The following ROBO2 variants were observed in gnomAD, a reference collection of about 807,000 sequenced individuals.
The protein encoded by ROBO2 is roundabout homolog 2.
In ROBO2, 53 loss-of-function variants were observed where a neutral mutation model predicts 160.8. The observed-to-expected ratio is 0.33, with a 90% CI of 0.26 to 0.41. The LOEUF (loss-of-function observed/expected upper bound fraction) is 0.41, where lower values mean the gene tolerates loss of function less well. Among genes scored for constraint, ROBO2 ranks in the 10% least tolerant of loss-of-function variants. The probability of loss-of-function intolerance (pLI) is 1.00; values close to 1 mark genes in which losing one functional copy is unlikely to be tolerated. For missense variants in ROBO2, 1,577 were observed against 1,722.4 expected (o/e 0.92, Z 1.49); for synonymous variants, 664 against 611.7 (o/e 1.09, Z -1.26).
At chr3:75,953,402 C>T (rs574158328) in intron 2 of ROBO2, among the ~76,000 whole-genome samples, 1 of 151,834 alleles carries the variant, frequency 6.6e-6, no homozygotes, top group South Asian at 2.1e-4. Context: ...GTATTTAGAC[C>T]TTTGGCCTAT....
chr3:76,849,114 T>C (rs9879053), intron 2 of ROBO2, among the ~76,000 whole-genome samples: 4,452 of 152,296 alleles, frequency 0.029, 170 homozygotes, highest in East Asian at 0.12. Flanking sequence ...ATATTTACTG[T>C]TTTATTACGT....
chr3:76,430,703 TA>T (rs2076400860), intron 2 of ROBO2, among the ~76,000 whole-genome samples: 1 of 151,794 alleles, frequency 6.6e-6, no homozygotes, highest in South Asian at 2.1e-4. Flanking sequence ...AAAATCTCTG[TA>T]AAAACAGTAA....
At chr3:76,605,882 C>T (rs1578481982) in intron 2 of ROBO2, among the ~76,000 whole-genome samples, 1 of 152,122 alleles carries the variant, frequency 6.6e-6, no homozygotes, top group South Asian at 2.1e-4. Flanking sequence ...AGAACCTTAA[C>T]TTAATTAGGA....
intron 2 of ROBO2, among the ~76,000 whole-genome samples, chr3:75,967,414 C>A (rs1395503431): frequency 6.6e-6 from 1 of 151,558 alleles, no homozygotes; most frequent in Non-Finnish European, 1.5e-5. Context: ...TAACTGGAGA[C>A]AACTGACTCA....
chr3:77,444,088 G>A (rs958666223), intron 2 of ROBO2, among the ~76,000 whole-genome samples: 2 of 151,926 alleles, frequency 1.3e-5, no homozygotes, highest in Non-Finnish European at 2.9e-5. Context: ...TTTGATCTTA[G>A]ATCTTCTTTT....
chr3:76,732,312 A>G (rs1402707236), intron 2 of ROBO2, among the ~76,000 whole-genome samples: 1 of 152,200 alleles, frequency 6.6e-6, no homozygotes, highest in African/African-American at 2.4e-5. Flanking sequence ...GATAAATTGA[A>G]GTACATTTTG....
At chr3:77,596,560 A>C in intron 18 of ROBO2, 63 bp from the exon 20 acceptor site, 1 of 1,599,098 alleles carries the variant, frequency 6.3e-7, no homozygotes, top group Non-Finnish European at 8.6e-7. Context: ...ATATTGCATG[A>C]GACGAGTGTC....
chr3:76,594,108 G>C (rs2086594198), intron 2 of ROBO2, among the ~76,000 whole-genome samples: 1 of 151,920 alleles, frequency 6.6e-6, no homozygotes, highest in African/African-American at 2.4e-5. Flanking sequence ...AGAGTAGGGG[G>C]AATATCTAAC....
intron 2 of ROBO2, among the ~76,000 whole-genome samples, chr3:76,716,098 T>TG (rs888863281): frequency 2.0e-4 from 30 of 151,926 alleles, no homozygotes; most frequent in Non-Finnish European, 4.3e-4. Context: ...GTTATGAATT[T>TG]TTTGGTATTA....
chr3:76,073,267 C>CTTTTTTTTTTTTT (rs869307615), intron 2 of ROBO2, among the ~76,000 whole-genome samples: 5 of 57,400 alleles, frequency 8.7e-5, no homozygotes, highest in Non-Finnish European at 1.4e-4. Flanking sequence ...AATGAGTATT[C>CTTTTTTTTTTTTT]TTTTTTTTTT....
intron 1 of ROBO2, among the ~76,000 whole-genome samples, chr3:77,047,781 C>T (rs538835958): frequency 3.3e-5 from 5 of 150,706 alleles, no homozygotes; most frequent in East Asian, 1.9e-4. Context: ...CGGTGGCTCA[C>T]GCCTGTAATC....
At chr3:76,908,639 C>A (rs555823945) in intron 2 of ROBO2, among the ~76,000 whole-genome samples, 12 of 152,222 alleles carry the variant, frequency 7.9e-5, no homozygotes, top group African/African-American at 2.4e-4. Flanking sequence ...TCAGGAGGCA[C>A]AGAGAAATCA....
chr3:77,235,391 C>G (rs980553586), intron 2 of ROBO2, among the ~76,000 whole-genome samples: 5 of 149,244 alleles, frequency 3.4e-5, no homozygotes, highest in Non-Finnish European at 5.9e-5. Flanking sequence ...TTCGCTCTGT[C>G]GCCCAGGCTG....
At position 77,449,964 on chromosome 3, in the gene ROBO2, A is replaced by G. The variant is rs34937772; in HGVS notation, c.389-27450A>G. 3.8e-3 allele frequency among the ~76,000 whole-genome samples: 585 copies of G among 152,218 alleles called. 2 individuals carry two copies. The highest frequency in any genetic ancestry group is 0.02 in the Middle Eastern group (6 of 294). On this transcript the variant is annotated intron_variant, in intron 2 of 25. Transcript: ENST00000461745. ...TAATAAATCTGCCATCTGCCTGTCA[A>G]TAGAAAATAAAATAATTTTCCATTT...
chr3:77,588,010 T>C (rs2094096386), intron 16 of ROBO2, among the ~76,000 whole-genome samples: 2 of 152,138 alleles, frequency 1.3e-5, no homozygotes, highest in African/African-American at 4.8e-5. Context: ...AGTTCTAGAA[T>C]AATCTTAGTT....
At chr3:76,824,335 G>A (rs959345036) in intron 2 of ROBO2, among the ~76,000 whole-genome samples, 3 of 152,152 alleles carry the variant, frequency 2.0e-5, no homozygotes, top group African/African-American at 7.2e-5. Flanking sequence ...GACCTCAAGT[G>A]ATCCACCCAC....
At chr3:76,222,668 T>G (rs1191021559) in intron 2 of ROBO2, among the ~76,000 whole-genome samples, 1 of 152,050 alleles carries the variant, frequency 6.6e-6, no homozygotes, top group African/African-American at 2.4e-5. Context: ...GAGAGCCCTC[T>G]CCTACCCGGC....
chr3:75,966,717 C>T (rs1052994577), intron 2 of ROBO2, among the ~76,000 whole-genome samples: 7 of 151,622 alleles, frequency 4.6e-5, no homozygotes, highest in African/African-American at 1.7e-4. Context: ...AACAGGCATT[C>T]AAGTATTAGT....
chr3:77,226,335 C>T (rs957194120), intron 2 of ROBO2, among the ~76,000 whole-genome samples: 4 of 151,138 alleles, frequency 2.6e-5, no homozygotes, highest in African/African-American at 7.3e-5. Flanking sequence ...TTAATGAACA[C>T]GAGAATACAG....
Sources: allele counts gnomAD v4.1 joint callset (sites outside exome capture counted in the v4.1 genomes callset), GRCh38; gene constraint gnomAD v4.1.1; transcripts MANE v1.5; gene names NCBI Gene and HGNC (gene_info 2026-07-23, HGNC 2026-07-21).